The following NTMT1 variants were observed in gnomAD, a reference collection of about 807,000 sequenced individuals.
NTMT1 encodes the protein N-terminal Xaa-Pro-Lys N-methyltransferase 1, also known as N-terminal RCC1 methyltransferase.
Under a neutral mutation model 17.5 loss-of-function variants are expected in NTMT1, and 8 were observed. The ratio of observed to expected loss-of-function variants is 0.46; its 90% CI spans 0.27 to 0.82. The LOEUF is 0.82. NTMT1 is among the 40% of genes least tolerant of loss of function. The probability of loss-of-function intolerance (pLI) is 0.15; values close to 1 mark genes in which losing one functional copy is unlikely to be tolerated. For missense variants in NTMT1, 221 were observed against 303.5 expected (o/e 0.73, Z 2.02); for synonymous variants, 128 against 126.8 (o/e 1.01, Z -0.06).
At chr9:129,626,976 G>A (rs1830930539) in intron 1 of NTMT1, among the ~76,000 whole-genome samples, 2 of 152,222 alleles carry the variant, frequency 1.3e-5, no homozygotes, top group African/African-American at 4.8e-5. Flanking sequence ...CAGTGTAACC[G>A]GTGGTTGTGG....
In NTMT1 at chr9:129,614,993, A is replaced by G. The variant is rs1830283364; in HGVS notation, c.-55+5815A>G. 6.6e-6 allele frequency among the ~76,000 whole-genome samples: 1 copy of G among 152,156 alleles called. No individual in the cohort carries two copies. The highest frequency in any genetic ancestry group is 1.5e-5 in the Non-Finnish European group (1 of 68,026). ...TGGTGGCTCTTAGCTTCCTTGCTGG[A>G]CCTGGCAGTGCCAACTGTCTCCAGG... On this transcript the variant is annotated intron_variant, in intron 1 of 3. Coordinates refer to the NTMT1 transcript ENST00000372486. This position sits in a 1 kb window ranked among gnomAD's most constrained non-coding sequence, Gnocchi z 4.4.
At position 129,613,476 on chromosome 9, in the gene NTMT1, C is replaced by T. The variant is rs1376502015; in HGVS notation, c.-55+4298C>T. ...AACACGAGGAGCTGGCCAGGGTCTC[C>T]TCCTTGGCCCCAGGGTACAGGGCTT... is the stretch of plus-strand genomic sequence containing the variant. On this transcript the variant is annotated intron_variant, in intron 1 of 3. Coordinates refer to the NTMT1 transcript ENST00000372486. The surrounding 1 kb of genome is among the most constrained non-coding windows in gnomAD (Gnocchi z 6.2). The T allele has an allele frequency of 6.2e-7, 1 of 1,614,160 alleles. No homozygotes were observed. The highest frequency in any genetic ancestry group is 8.5e-7 in the Non-Finnish European group (1 of 1,180,032).
intron 1 of NTMT1, among the ~76,000 whole-genome samples, chr9:129,627,960 C>T (rs1861782): frequency 0.97 from 147,227 of 152,340 alleles, 71,182 homozygotes; most frequent in Middle Eastern, 0.99. Context: ...GGTCTGAACA[C>T]CTTGGCGGGG....
chr9:129,635,314 G>A lies in NTMT1; in HGVS notation c.522G>A (p.Val174=), dbSNP rs999602758. ...AAGACAACATGGCCCAGGAGGGCGT[G>A]ATTCTGGACGACGTGGACAGCAGCG... ...VIKDNMAQEG[V]ILDDVDSSVC... Residue 174 remains valine (V), a synonymous_variant, in exon 4 of 4, where the codon GTG becomes GTA. Transcript: ENST00000372483. 5.6e-6 allele frequency: 9 copies of A among 1,613,728 alleles called. No homozygotes were observed. The African/African-American group carries it at 1.2e-4, about 22-fold the overall frequency.
upstream of NTMT1, among the ~76,000 whole-genome samples, chr9:129,622,480 G>T (rs146304135): frequency 6.6e-6 from 1 of 152,068 alleles, no homozygotes; most frequent in African/African-American, 2.4e-5. Flanking sequence ...GTGACAAAGC[G>T]AGACTCCATC....
At chr9:129,624,329 C>T (rs537891066), upstream of NTMT1, among the ~76,000 whole-genome samples, 1 of 152,278 alleles carries the variant, frequency 6.6e-6, no homozygotes, top group African/African-American at 2.4e-5. Context: ...ATCAGAGCTG[C>T]CCCCTGGCGG....
chr9:129,622,427 A>G (rs1275318250), upstream of NTMT1, among the ~76,000 whole-genome samples: 4 of 152,052 alleles, frequency 2.6e-5, no homozygotes, highest in African/African-American at 9.7e-5. Context: ...TGGGAGGCGG[A>G]GGTTGCAGTG....
chr9:129,615,414 A>G, intron 1 of NTMT1: 1 of 1,461,142 alleles, frequency 6.8e-7, no homozygotes, highest in Admixed American at 2.3e-5. Flanking sequence ...AGGGGCCCGG[A>G]GCTACAGCCT....
At chr9:129,634,458 C>G (rs1831396042) in intron 3 of NTMT1, 152 bp downstream of exon 3, 1 of 755,920 alleles carries the variant, frequency 1.3e-6, no homozygotes, top group Admixed American at 3.7e-5. Context: ...CCCCGTACTT[C>G]CCAGGACTGA....
chr9:129,629,922 A>T (rs774503324), intron 1 of NTMT1, among the ~76,000 whole-genome samples: 2 of 147,892 alleles, frequency 1.4e-5, no homozygotes, highest in Non-Finnish European at 2.9e-5. Flanking sequence ...CCACATAGTA[A>T]GACCCCATCT....
In NTMT1 at chr9:129,635,230, G is replaced by T. The variant is rs370260524; in HGVS notation, c.438G>T (p.Leu146=). The change falls in exon 4 of 4, where the codon CTG becomes CTT. Residue 146 remains leucine (L), a synonymous_variant. Transcript: ENST00000372483. The part of the protein sequence containing the change: ...WVIGHLTDQH[L]AEFLRRCKGS... ...CAGGCCACCTCACCGATCAGCACCT[G>T]GCCGAGTTCCTGCGGCGCTGCAAGG... The T allele has an allele frequency of 1.9e-6, 3 of 1,611,266 alleles. No homozygotes were observed. The South Asian group carries it at 3.3e-5, about 18-fold the overall frequency.
chr9:129,634,529 C>T (rs1366298478), intron 3 of NTMT1: 6 of 474,938 alleles, frequency 1.3e-5, no homozygotes, highest in East Asian at 3.4e-5. Context: ...AGTTGAATAC[C>T]TGCTACCATC....
intron 1 of NTMT1, chr9:129,609,212 C>G (rs1346369887): frequency 2.0e-5 from 3 of 152,426 alleles, no homozygotes; most frequent in Non-Finnish European, 4.4e-5. Flanking sequence ...GTTTCAGTGT[C>G]CTTATCAGCA....
chr9:129,620,775 A>G lies in NTMT1; in HGVS notation c.-55+11597A>G, dbSNP rs1310880156. ...GAGCCTCTGTTTCCTCACCTGAAAAATGGTGACAGCAAGAGTAGCCAACTT... is the reference window on the plus strand; with the variant it reads ...GAGCCTCTGTTTCCTCACCTGAAAAGTGGTGACAGCAAGAGTAGCCAACTT... On this transcript the variant is annotated intron_variant, in intron 1 of 3. Coordinates refer to the NTMT1 transcript ENST00000372486. This position sits in a 1 kb window ranked among gnomAD's most constrained non-coding sequence, Gnocchi z 5.8. 5.2e-5 allele frequency: 23 copies of G among 438,128 alleles called. No individual in the cohort carries two copies. Among genetic ancestry groups the G allele is most frequent in the Non-Finnish European group, 6.4e-5 (17 of 264,234 alleles). The allele number at this position is 438,128 out of a possible 1,614,324, so 27.1% of individuals were successfully genotyped here.
chr9:129,617,351 C>T (rs977406340), intron 1 of NTMT1, among the ~76,000 whole-genome samples: 8 of 152,220 alleles, frequency 5.3e-5, no homozygotes, highest in African/African-American at 1.7e-4. Flanking sequence ...GGAACCCCTG[C>T]TCTCTGCTGG....
At position 129,613,668 on chromosome 9, in the gene NTMT1, C is replaced by T; in HGVS notation, c.-55+4490C>T. The T allele has an allele frequency of 6.3e-7, 1 of 1,585,874 alleles. No homozygotes were observed. The highest frequency in any genetic ancestry group is 8.6e-7 in the Non-Finnish European group (1 of 1,162,584). On this transcript the variant is annotated intron_variant, in intron 1 of 3. Transcript: ENST00000372486. This position sits in a 1 kb window ranked among gnomAD's most constrained non-coding sequence, Gnocchi z 6.2. ...ACTGGTGCCCCCACCCTCTTTTCCT[C>T]CCTCTGGCAGGCAGGGCCGGTCAGA...
intron 1 of NTMT1, chr9:129,619,966 C>T: frequency 6.8e-7 from 1 of 1,478,680 alleles, no homozygotes; most frequent in Non-Finnish European, 9.2e-7. Flanking sequence ...ACATTAGCAT[C>T]CTTCTAGCCT....
rs1006318725 is a variant in NTMT1 at position 129,634,664 on chromosome 9, T to C, written c.415+358T>C. 3 of 244,396 alleles carry C rather than the reference T, an allele frequency of 1.2e-5. No homozygotes were observed. The Admixed American group carries it at 1.5e-4, about 13-fold the overall frequency. The allele number at this position is 244,396 out of a possible 1,614,324, so 15.1% of individuals were successfully genotyped here. A position where few individuals can be genotyped will look rare whatever the true frequency, so the allele number is the denominator to read the frequency against. On this transcript the variant is annotated intron_variant, in intron 3 of 3. Coordinates refer to ENST00000372483, the MANE Select transcript of NTMT1 (RefSeq NM_014064.4). ...ATAGTTTAAGCTTCGTGTCTAGCCC[T>C]GCACCCTCTTAGCCTAACAGCACAC...
At position 129,620,380 on chromosome 9, in the gene NTMT1, C is replaced by T. The variant is rs1187765385; in HGVS notation, c.-55+11202C>T. The T allele has an allele frequency of 2.4e-5, 30 of 1,230,496 alleles. No individual in the cohort carries two copies. The East Asian group carries it at 4.2e-4, about 17-fold the overall frequency. 76.2% of individuals were successfully genotyped at this position (1,230,496 alleles called of 1,614,324 possible). The stretch of plus-strand genomic sequence containing the variant: ...CGACGCCCACCCCGGGCTTGGCGTC[C>T]CCTTCCGGCCACCACGCGGCGCCGC... On this transcript the variant is annotated intron_variant, in intron 1 of 3. Coordinates refer to the NTMT1 transcript ENST00000372486. The surrounding 1 kb of genome is among the most constrained non-coding windows in gnomAD (Gnocchi z 5.8).
Sources: gnomAD v4.1 joint callset for allele counts (sites outside exome capture counted in the v4.1 genomes callset) on GRCh38, gnomAD v4.1.1 for gene constraint, Gnocchi (gnomAD v3.1) non-coding constraint, MANE v1.5 for transcripts, NCBI Gene and HGNC (gene_info 2026-07-23, HGNC 2026-07-21) for gene names.